PLEKHA5: variants seen among roughly 807,000 people sequenced by gnomAD.
PLEKHA5 encodes pleckstrin homology domain-containing family A member 5.
In PLEKHA5, 55 loss-of-function variants were observed where a neutral mutation model predicts 181.9. That is an observed-to-expected ratio of 0.30 (90% confidence interval 0.24 to 0.38). PLEKHA5 has a LOEUF of 0.38. Ranked by LOEUF, PLEKHA5 falls within the 10% of genes least tolerant of loss-of-function variation. PLEKHA5 has a pLI of 1.00. For missense variants in PLEKHA5, 1,432 were observed against 1,549.5 expected (o/e 0.92, Z 1.27); for synonymous variants, 535 against 529.4 (o/e 1.01, Z -0.15).
chr12:19,136,854 G>A (rs774666182), intron 3 of PLEKHA5, among the ~76,000 whole-genome samples: 3 of 152,056 alleles, frequency 2.0e-5, no homozygotes, highest in Non-Finnish European at 4.4e-5. Flanking sequence ...TTCAATATCT[G>A]CAATAGCTGG....
chr12:19,340,076 A>G (rs913976462), intron 21 of PLEKHA5, among the ~76,000 whole-genome samples: 2 of 152,174 alleles, frequency 1.3e-5, no homozygotes, highest in African/African-American at 4.8e-5. Flanking sequence ...GGCTTTATCA[A>G]AGTTAAAGAT....
chr12:19,280,385 A>G (rs1429392656), intron 11 of PLEKHA5, among the ~76,000 whole-genome samples: 4 of 152,104 alleles, frequency 2.6e-5, no homozygotes, highest in Non-Finnish European at 4.4e-5. Context: ...ATTGTTACTG[A>G]CAGGTCTTTG....
At chr12:19,179,227 A>G (rs938164906) in intron 3 of PLEKHA5, among the ~76,000 whole-genome samples, 2 of 152,198 alleles carry the variant, frequency 1.3e-5, no homozygotes, top group African/African-American at 4.8e-5. Flanking sequence ...GGTTGTTGTT[A>G]GGGCCTCTGT....
intron 21 of PLEKHA5, among the ~76,000 whole-genome samples, chr12:19,337,509 A>G (rs1043207563): frequency 2.0e-5 from 3 of 146,756 alleles, no homozygotes; most frequent in African/African-American, 7.6e-5. Flanking sequence ...AGATCGCACC[A>G]CTGTACTCCA....
intron 20 of PLEKHA5, among the ~76,000 whole-genome samples, chr12:19,326,787 T>C (rs143678608): frequency 1.7e-3 from 252 of 152,306 alleles, no homozygotes; most frequent in African/African-American, 5.7e-3. Context: ...TACCAGTGTT[T>C]AGCTTCCACC....
intron 15 of PLEKHA5, among the ~76,000 whole-genome samples, chr12:19,293,201 C>T (rs1213070993): frequency 6.6e-6 from 1 of 152,034 alleles, no homozygotes; most frequent in African/African-American, 2.4e-5. Context: ...TGAAACAAAA[C>T]AGTAATGTGC....
At chr12:19,144,714 G>A (rs925072808) in intron 3 of PLEKHA5, among the ~76,000 whole-genome samples, 1 of 152,154 alleles carries the variant, frequency 6.6e-6, no homozygotes, top group Non-Finnish European at 1.5e-5. Flanking sequence ...GGATCAGTGG[G>A]AAAGCATATT....
chr12:19,143,064 T>G (rs2037884164), intron 3 of PLEKHA5, among the ~76,000 whole-genome samples: 2 of 152,206 alleles, frequency 1.3e-5, no homozygotes, highest in Non-Finnish European at 2.9e-5. Flanking sequence ...TTTTGGCTAT[T>G]GTCAGTAATG....
intron 3 of PLEKHA5, among the ~76,000 whole-genome samples, chr12:19,247,778 G>A (rs527914935): frequency 1.7e-4 from 26 of 151,524 alleles, no homozygotes; most frequent in Non-Finnish European, 1.0e-4. Flanking sequence ...GGTAGGGGGT[G>A]AGGGCATTCG....
chr12:19,306,381 C>T (rs59628824), intron 15 of PLEKHA5: 12,723 of 514,292 alleles, frequency 0.025, 856 homozygotes, highest in African/African-American at 0.18. Flanking sequence ...CTCTCTTCCC[C>T]TCCCCCGCGG....
intron 3 of PLEKHA5, among the ~76,000 whole-genome samples, chr12:19,213,435 A>G (rs2057358460): frequency 1.3e-5 from 2 of 152,170 alleles, no homozygotes; most frequent in African/African-American, 2.4e-5. Context: ...ATTCAATGTG[A>G]GGTGCTTGGG....
chr12:19,143,406 G>T (rs2038000875), intron 3 of PLEKHA5, among the ~76,000 whole-genome samples: 1 of 152,032 alleles, frequency 6.6e-6, no homozygotes, highest in East Asian at 1.9e-4. Context: ...AATGTTAAGT[G>T]TTTTTTTCTT....
At chr12:19,351,476 G>A (rs762673449) in intron 25 of PLEKHA5, among the ~76,000 whole-genome samples, 2 of 151,986 alleles carry the variant, frequency 1.3e-5, no homozygotes, top group African/African-American at 4.8e-5. Context: ...ATATTAATAC[G>A]CTTTAACATC....
At chr12:19,340,440 G>A (rs1229139741) in intron 21 of PLEKHA5, among the ~76,000 whole-genome samples, 103 of 57,566 alleles carry the variant, frequency 1.8e-3, no homozygotes, top group Middle Eastern at 8.2e-3. Flanking sequence ...CCACCACCCC[G>A]TCTGGGAGGT....
At chr12:19,325,687 CA>C (rs34857231) in intron 20 of PLEKHA5, among the ~76,000 whole-genome samples, 97,425 of 135,396 alleles carry the variant, frequency 0.72, 36,936 homozygotes, top group Non-Finnish European at 0.88. Flanking sequence ...GACTCTGTCT[CA>C]AAAAAAAAAA....
At chr12:19,197,517 A>G (rs2053113485) in intron 3 of PLEKHA5, among the ~76,000 whole-genome samples, 1 of 151,916 alleles carries the variant, frequency 6.6e-6, no homozygotes, top group African/African-American at 2.4e-5. Flanking sequence ...CTTTCATAGC[A>G]CTTACCACTT....
intron 3 of PLEKHA5, among the ~76,000 whole-genome samples, chr12:19,228,446 C>T (rs1324237621): frequency 6.6e-6 from 1 of 152,088 alleles, no homozygotes; most frequent in Non-Finnish European, 1.5e-5. Flanking sequence ...CTGTTTTTTT[C>T]TGATCTACAT....
chr12:19,268,264 A>G (rs556308411), intron 8 of PLEKHA5, among the ~76,000 whole-genome samples: 1 of 152,342 alleles, frequency 6.6e-6, no homozygotes, highest in East Asian at 1.9e-4. Context: ...TATTAGCACT[A>G]TTATTAGGCC....
chr12:19,297,952 TC>T (rs1276169173), intron 15 of PLEKHA5, among the ~76,000 whole-genome samples: 2 of 152,080 alleles, frequency 1.3e-5, no homozygotes, highest in African/African-American at 2.4e-5. Context: ...ACGCCTGTAA[TC>T]CCAGCACTTT....
Sources: allele counts gnomAD v4.1 joint callset (sites outside exome capture counted in the v4.1 genomes callset), GRCh38; gene constraint gnomAD v4.1.1; transcripts MANE v1.5; gene names NCBI Gene and HGNC (gene_info 2026-07-23, HGNC 2026-07-21).